RGS8: variants seen among roughly 807,000 people sequenced by gnomAD.
The protein encoded by RGS8 is regulator of G protein signaling 8.
A neutral mutation model predicts 21.7 loss-of-function variants in RGS8; 8 were observed. The ratio of observed to expected loss-of-function variants is 0.37; its 90% CI spans 0.22 to 0.66. The LOEUF (loss-of-function observed/expected upper bound fraction) is 0.66, where lower values mean the gene tolerates loss of function less well. Ranked by LOEUF, RGS8 falls within the 30% of genes least tolerant of loss-of-function variation. The probability of loss-of-function intolerance (pLI) is 0.59; values close to 1 mark genes in which losing one functional copy is unlikely to be tolerated. For missense variants in RGS8, 157 were observed against 217.9 expected (o/e 0.72, Z 1.76); for synonymous variants, 80 against 83.6 (o/e 0.96, Z 0.24).
chr1:182,672,097 T>G (rs1483367458), upstream of RGS8: 1 of 271,702 alleles, frequency 3.7e-6, no homozygotes, highest in Non-Finnish European at 6.9e-6. Context: ...TGCCTCCCTC[T>G]GCACCCAGAG....
chr1:182,659,990 A>G (rs534090800), intron 5 of RGS8, among the ~76,000 whole-genome samples: 47 of 152,294 alleles, frequency 3.1e-4, no homozygotes, highest in African/African-American at 1.1e-3. Context: ...TTCTAATACT[A>G]CCTCCAATCC....
chr1:182,690,430 G>A, the RGS8 span, among the ~76,000 whole-genome samples: 1 of 152,246 alleles, frequency 6.6e-6, no homozygotes, highest in Non-Finnish European at 1.5e-5. Context: ...CAGTGATGGA[G>A]TTGTACCTCT....
chr1:182,647,347 T>C (rs1223605255), intron 6 of RGS8, among the ~76,000 whole-genome samples: 2 of 152,210 alleles, frequency 1.3e-5, no homozygotes. Flanking sequence ...ACAAATGCCC[T>C]GTGGAGGGAG....
At chr1:182,723,810 G>C in the RGS8 span, among the ~76,000 whole-genome samples, 2 of 152,012 alleles carry the variant, frequency 1.3e-5, no homozygotes, top group African/African-American at 4.8e-5. Flanking sequence ...AGATTAAACT[G>C]TATTTTACTT....
the RGS8 span, among the ~76,000 whole-genome samples, chr1:182,741,232 G>A: frequency 2.4e-4 from 34 of 143,306 alleles, no homozygotes; most frequent in Non-Finnish European, 4.9e-4. Context: ...CGGGCAGAGG[G>A]GCTCCTCACT....
At chr1:182,742,494 C>T in the RGS8 span, among the ~76,000 whole-genome samples, 5 of 152,198 alleles carry the variant, frequency 3.3e-5, no homozygotes, top group Non-Finnish European at 7.3e-5. Context: ...CTCGGCACCT[C>T]GGGAGGCCGA....
At chr1:182,686,255 T>C (rs999322445), upstream of RGS8, among the ~76,000 whole-genome samples, 9 of 152,170 alleles carry the variant, frequency 5.9e-5, no homozygotes, top group African/African-American at 1.7e-4. Context: ...GTGAATGCAA[T>C]GTAAAGGGTC....
the RGS8 span, among the ~76,000 whole-genome samples, chr1:182,747,882 A>G: frequency 6.7e-6 from 1 of 149,208 alleles, no homozygotes; most frequent in Non-Finnish European, 1.5e-5. Flanking sequence ...GGCAGTGTTT[A>G]AATCAGAGCT....
At chr1:182,644,939 T>G (rs939341823), downstream of RGS8, 1 of 152,206 alleles carries the variant, frequency 6.6e-6, no homozygotes, top group African/African-American at 2.4e-5. Context: ...CTAGGAGACA[T>G]GTGTTCTTCT....
chr1:182,679,294 G>A lies in RGS8; in HGVS notation n.221+5062C>T, dbSNP rs116118701. 9.1e-3 allele frequency among the ~76,000 whole-genome samples: 1,378 copies of A among 151,904 alleles called. 21 individuals carry two copies. Among genetic ancestry groups the A allele is most frequent in the African/African-American group, 0.031 (1,300 of 41,402 alleles). Reference sequence around the variant, plus strand: ...TGGCTTCCATTCCCACCATTCCCCCGAAACACAGCCTCCATACTGTGAGGT... The same window carrying A: ...TGGCTTCCATTCCCACCATTCCCCCAAAACACAGCCTCCATACTGTGAGGT... On this transcript the variant is annotated intron_variant and non_coding_transcript_variant, in intron 1 of 4. Coordinates refer to the RGS8 transcript ENST00000515211.
At chr1:182,703,980 C>G in the RGS8 span, among the ~76,000 whole-genome samples, 1 of 152,178 alleles carries the variant, frequency 6.6e-6, no homozygotes, top group African/African-American at 2.4e-5. Flanking sequence ...GAAATAGTTT[C>G]TGACCTGAAG....
intron 5 of RGS8, among the ~76,000 whole-genome samples, chr1:182,650,885 C>T (rs1005623128): frequency 1.6e-4 from 25 of 152,116 alleles, no homozygotes; most frequent in African/African-American, 6.0e-4. Flanking sequence ...AGGCAAAACC[C>T]AGGACACATG....
the RGS8 span, among the ~76,000 whole-genome samples, chr1:182,691,511 T>C: frequency 6.8e-6 from 1 of 147,198 alleles, no homozygotes; most frequent in African/African-American, 2.5e-5. Context: ...TCAATAAATA[T>C]GATCCATCAC....
downstream of RGS8, chr1:182,645,960 G>T (rs971756597): frequency 3.3e-5 from 5 of 152,228 alleles, no homozygotes; most frequent in African/African-American, 1.2e-4. Context: ...CTCGTCTCTT[G>T]ACTTCTGGAA....
the RGS8 span, chr1:182,734,399 C>CA: frequency 6.6e-6 from 1 of 152,086 alleles, no homozygotes; most frequent in African/African-American, 2.4e-5. Context: ...AGTAGCTTTA[C>CA]AAGAAAACAT....
chr1:182,657,913 G>C (rs1370786109), intron 5 of RGS8, among the ~76,000 whole-genome samples: 1 of 152,220 alleles, frequency 6.6e-6, no homozygotes, highest in Non-Finnish European at 1.5e-5. Flanking sequence ...TAACTGAAAG[G>C]CAAGGAGGTG....
intron 5 of RGS8, among the ~76,000 whole-genome samples, chr1:182,660,542 C>T (rs1363989929): frequency 6.6e-6 from 1 of 151,652 alleles, no homozygotes; most frequent in Non-Finnish European, 1.5e-5. Flanking sequence ...CCAGAAAGTA[C>T]ACCTGCCATA....
At chr1:182,706,348 T>C in the RGS8 span, among the ~76,000 whole-genome samples, 3 of 152,324 alleles carry the variant, frequency 2.0e-5, no homozygotes, top group African/African-American at 7.2e-5. Context: ...CTAGTGCTGC[T>C]GATCGTGCCA....
At chr1:182,735,103 AC>A in the RGS8 span, among the ~76,000 whole-genome samples, 2 of 152,316 alleles carry the variant, frequency 1.3e-5, no homozygotes, top group Admixed American at 6.5e-5. Flanking sequence ...CTTCAGGCTA[AC>A]CCCATTTTAA....
Sources: allele counts gnomAD v4.1 joint callset (sites outside exome capture counted in the v4.1 genomes callset), GRCh38; gene constraint gnomAD v4.1.1; transcripts MANE v1.5; gene names NCBI Gene and HGNC (gene_info 2026-07-23, HGNC 2026-07-21).